Variants in DCAF5 observed in about 807,000 individuals in gnomAD.
DCAF5 encodes DDB1- and CUL4-associated factor 5.
A neutral mutation model predicts 80.7 loss-of-function variants in DCAF5; 9 were observed. That is an observed-to-expected ratio of 0.11 (90% CI 0.07 to 0.19). The LOEUF (loss-of-function observed/expected upper bound fraction) is 0.19. Among genes scored for constraint, DCAF5 ranks in the 10% least tolerant of loss-of-function variants. The pLI is 1.00. For synonymous variants in DCAF5, 433 were observed against 461.9 expected (o/e 0.94, Z 0.80); for missense variants, 842 against 1,205.7 (o/e 0.70, Z 4.47).
rs906959438 is a variant in DCAF5 at position 69,118,008 on chromosome 14, G to A, written c.535+131C>T. On this transcript the variant is annotated intron_variant, in intron 4 of 8. Transcript: ENST00000341516. This position sits in a 1 kb window ranked among gnomAD's most constrained non-coding sequence, Gnocchi z 4.0. ...CTCCAAAGACCTCTTATGCCCCCATGTGAGTGTTTCACATTTCCTTTCCCT... is the reference window on the plus strand; with the variant it reads ...CTCCAAAGACCTCTTATGCCCCCATATGAGTGTTTCACATTTCCTTTCCCT... The A allele has an allele frequency of 7.7e-7, 1 of 1,299,754 alleles. No individual in the cohort carries two copies. The highest frequency in any genetic ancestry group is 1.5e-5 in the African/African-American group (1 of 68,744). The allele number at this position is 1,299,754 out of a possible 1,614,324, so 80.5% of individuals were successfully genotyped here.
intron 5 of DCAF5, among the ~76,000 whole-genome samples, chr14:69,107,281 T>C (rs1433714628): frequency 6.6e-6 from 1 of 152,194 alleles, no homozygotes; most frequent in Non-Finnish European, 1.5e-5. Flanking sequence ...AAGCAATCTC[T>C]GGCCTAAACC....
intron 1 of DCAF5, among the ~76,000 whole-genome samples, chr14:69,135,197 G>C (rs1307463955): frequency 6.6e-6 from 1 of 152,156 alleles, no homozygotes; most frequent in Non-Finnish European, 1.5e-5. Flanking sequence ...TTCACTGTTT[G>C]AAACTGTACT....
chr14:69,100,132 G>T (rs1594996052), intron 5 of DCAF5, among the ~76,000 whole-genome samples: 1 of 152,076 alleles, frequency 6.6e-6, no homozygotes, highest in African/African-American at 2.4e-5. Flanking sequence ...ACATATTGAT[G>T]GATATATGGA....
intron 1 of DCAF5, among the ~76,000 whole-genome samples, chr14:69,137,426 A>C (rs991791958): frequency 1.3e-5 from 2 of 152,152 alleles, no homozygotes; most frequent in Non-Finnish European, 2.9e-5. Flanking sequence ...CCATTCTATG[A>C]GCAATTTCTG....
intron 1 of DCAF5, among the ~76,000 whole-genome samples, chr14:69,133,689 CT>C (rs772248438): frequency 2.6e-5 from 4 of 152,204 alleles, no homozygotes; most frequent in Non-Finnish European, 2.9e-5. Context: ...TAGTACCCTT[CT>C]GCTAAAAGCT....
intron 5 of DCAF5, among the ~76,000 whole-genome samples, chr14:69,112,701 T>C (rs766852801): frequency 2.0e-5 from 3 of 151,960 alleles, no homozygotes; most frequent in Non-Finnish European, 4.4e-5. Flanking sequence ...AGCTACCTCA[T>C]AGGGTTATCA....
intron 6 of DCAF5, chr14:69,090,957 T>C (rs1439082541): frequency 1.6e-6 from 1 of 629,184 alleles, no homozygotes; most frequent in Non-Finnish European, 2.9e-6. Context: ...CCCATTTGTC[T>C]TTCCTCGGCT....
intron 5 of DCAF5, among the ~76,000 whole-genome samples, chr14:69,112,624 CACACAA>C (rs1269163435): frequency 1.3e-5 from 2 of 151,236 alleles, no homozygotes; most frequent in Non-Finnish European, 3.0e-5. Context: ...CACACACACA[CACACAA>C]ATAACACACA....
intron 1 of DCAF5, among the ~76,000 whole-genome samples, chr14:69,145,945 G>A (rs1006096516): frequency 6.6e-6 from 1 of 152,202 alleles, no homozygotes; most frequent in African/African-American, 2.4e-5. Context: ...ATCAATGCAT[G>A]AGAAAATAAA....
At chr14:69,127,464 C>T (rs1350056928) in intron 1 of DCAF5, among the ~76,000 whole-genome samples, 2 of 152,104 alleles carry the variant, frequency 1.3e-5, no homozygotes. Flanking sequence ...ACAAAAAGAT[C>T]ACTAATTGCC....
intron 5 of DCAF5, among the ~76,000 whole-genome samples, chr14:69,115,653 G>A: frequency 6.6e-6 from 1 of 152,090 alleles, no homozygotes; most frequent in East Asian, 1.9e-4. Context: ...GAACATAAAA[G>A]AGCCTGCTAC....
intron 5 of DCAF5, among the ~76,000 whole-genome samples, chr14:69,099,821 C>T (rs545490301): frequency 6.6e-6 from 1 of 152,112 alleles, no homozygotes; most frequent in South Asian, 2.1e-4. Flanking sequence ...GTGGCACATG[C>T]CTGTAGTCCC....
At chr14:69,124,871 T>A (rs934456460) in intron 1 of DCAF5, among the ~76,000 whole-genome samples, 3 of 152,234 alleles carry the variant, frequency 2.0e-5, no homozygotes, top group Non-Finnish European at 4.4e-5. Context: ...TATTTTTTTT[T>A]AATTAGATAA....
At chr14:69,063,993 A>G (rs1040904317) in intron 7 of DCAF5, among the ~76,000 whole-genome samples, 4 of 152,222 alleles carry the variant, frequency 2.6e-5, no homozygotes, top group African/African-American at 9.6e-5. Flanking sequence ...ATAAAAAAAG[A>G]GAGGGACTAG....
intron 5 of DCAF5, among the ~76,000 whole-genome samples, chr14:69,102,603 C>CACACACAA (rs2039998947): frequency 6.7e-6 from 1 of 148,824 alleles, no homozygotes; most frequent in African/African-American, 2.5e-5. Flanking sequence ...CACACACACA[C>CACACACAA]ACACACACAC....
At position 69,084,840 on chromosome 14, in the gene DCAF5, A is replaced by T. The variant is rs1052406412; in HGVS notation, c.879+6834T>A. The stretch of plus-strand genomic sequence containing the variant: ...TTGTGTACAGATGTGGCAGCAAGAG[A>T]ACTGGACATTACTGAAGTCAACTGG... On this transcript the variant is annotated intron_variant, in intron 6 of 8. Transcript: ENST00000341516. 3.7e-6 allele frequency: 4 copies of T among 1,094,900 alleles called. No individual in the cohort carries two copies. The African/African-American group carries it at 4.6e-5, about 13-fold the overall frequency. 67.8% of individuals were successfully genotyped at this position (1,094,900 alleles called of 1,614,324 possible).
intron 6 of DCAF5, chr14:69,084,382 T>C (rs1594966626): frequency 1.1e-6 from 1 of 919,504 alleles, no homozygotes; most frequent in Non-Finnish European, 1.8e-6. Context: ...TCGATGAAGC[T>C]GATCGTATCT....
chr14:69,105,481 G>A (rs1375355644), intron 5 of DCAF5, among the ~76,000 whole-genome samples: 1 of 152,156 alleles, frequency 6.6e-6, no homozygotes, highest in Non-Finnish European at 1.5e-5. Context: ...CATTGTTGCT[G>A]TGTGTGTCTG....
chr14:69,066,529 G>T (rs967957722), intron 7 of DCAF5, among the ~76,000 whole-genome samples: 1 of 152,142 alleles, frequency 6.6e-6, no homozygotes, highest in Non-Finnish European at 1.5e-5. Context: ...TAGGGGGGTA[G>T]GGAAGACTAT....
Sources: gnomAD v4.1 joint callset for allele counts (sites outside exome capture counted in the v4.1 genomes callset) on GRCh38, gnomAD v4.1.1 for gene constraint, Gnocchi (gnomAD v3.1) non-coding constraint, MANE v1.5 for transcripts, NCBI Gene and HGNC (gene_info 2026-07-23, HGNC 2026-07-21) for gene names.